XRCC4: variants seen among roughly 807,000 people sequenced by gnomAD.
The protein encoded by XRCC4 is X-ray repair cross complementing 4, also known as DNA repair protein XRCC4.
XRCC4 carries 28 observed loss-of-function variants against 39.1 expected under a neutral mutation model. The ratio of observed to expected loss-of-function variants is 0.72; its 90% CI spans 0.53 to 0.98. The LOEUF (loss-of-function observed/expected upper bound fraction) is 0.98, where lower values mean the gene tolerates loss of function less well. Among genes scored for constraint, XRCC4 ranks in the 50% least tolerant of loss-of-function variants. The probability of loss-of-function intolerance (pLI) is 0.00; values close to 1 mark genes in which losing one functional copy is unlikely to be tolerated. For synonymous variants in XRCC4, 123 were observed against 126.4 expected, an observed-to-expected ratio of 0.97 and a Z score of 0.18; for missense variants, 350 against 376.4, an observed-to-expected ratio of 0.93 and a Z score of 0.58.
downstream of XRCC4, among the ~76,000 whole-genome samples, chr5:83,358,326 A>G (rs1757213048): frequency 6.6e-6 from 1 of 151,838 alleles, no homozygotes; most frequent in South Asian, 2.1e-4. Flanking sequence ...GCTTACATTA[A>G]ACTCAGGTTC....
chr5:83,166,630 A>ATT (rs549500319), intron 3 of XRCC4, among the ~76,000 whole-genome samples: 8,439 of 135,046 alleles, frequency 0.062, 865 homozygotes, highest in East Asian at 0.47. Flanking sequence ...CGCCTAGCTA[A>ATT]TTTTTTTTTT....
At position 83,202,724 on chromosome 5, in the gene XRCC4, A is replaced by C. The variant is rs895026661; in HGVS notation, c.483-828A>C. Among the ~76,000 whole-genome samples, 13 of 152,168 alleles carry C rather than the reference A, an allele frequency of 8.5e-5. No homozygotes were observed. In the East Asian group the frequency reaches 1.2e-3, roughly 14 times the overall value. Reference sequence around the variant, plus strand: ...CAACATTGAAAAGAATACATAAAATAATTTGTATTTGAATCAATAAAATAG... The same window carrying C: ...CAACATTGAAAAGAATACATAAAATCATTTGTATTTGAATCAATAAAATAG... On this transcript the variant is annotated intron_variant, in intron 4 of 7. Transcript: ENST00000396027.
chr5:83,330,535 ACTTTT>A (rs922397586), intron 7 of XRCC4, among the ~76,000 whole-genome samples: 20 of 152,102 alleles, frequency 1.3e-4, no homozygotes, highest in East Asian at 9.7e-4. Flanking sequence ...ATGTAATAAA[ACTTTT>A]CTTTTTAAGG....
chr5:83,165,622 C>G (rs1749429873), intron 3 of XRCC4, among the ~76,000 whole-genome samples: 1 of 152,076 alleles, frequency 6.6e-6, no homozygotes, highest in African/African-American at 2.4e-5. Context: ...GATCCTCTCC[C>G]TCTCCCACCG....
chr5:83,254,487 C>T (rs531882426), intron 6 of XRCC4, among the ~76,000 whole-genome samples: 5 of 152,116 alleles, frequency 3.3e-5, no homozygotes, highest in South Asian at 2.1e-4. Flanking sequence ...ACACTTAATA[C>T]GAATTGATTT....
chr5:83,179,338 G>A (rs1008245159), intron 3 of XRCC4, among the ~76,000 whole-genome samples: 1 of 152,044 alleles, frequency 6.6e-6, no homozygotes, highest in Admixed American at 6.6e-5. Flanking sequence ...ATAAGAGCAT[G>A]TCTCTCTTTT....
intron 3 of XRCC4, among the ~76,000 whole-genome samples, chr5:83,113,962 G>A (rs1746580178): frequency 2.0e-5 from 3 of 152,178 alleles, no homozygotes; most frequent in South Asian, 4.1e-4. Context: ...TCTAGGCAGA[G>A]GTTCCCAAAC....
intron 6 of XRCC4, among the ~76,000 whole-genome samples, chr5:83,207,059 A>G (rs1751449663): frequency 6.6e-6 from 1 of 152,122 alleles, no homozygotes; most frequent in African/African-American, 2.4e-5. Context: ...TGCTTGTTTT[A>G]CCCTAGTGTC....
chr5:83,206,442 G>A (rs1038624443), intron 6 of XRCC4, among the ~76,000 whole-genome samples: 6 of 152,170 alleles, frequency 3.9e-5, no homozygotes, highest in Admixed American at 3.9e-4. Flanking sequence ...GTGGTATCCT[G>A]CTGATTGATG....
chr5:83,223,933 T>C (rs1345140818), intron 6 of XRCC4, among the ~76,000 whole-genome samples: 2 of 149,226 alleles, frequency 1.3e-5, no homozygotes, highest in Non-Finnish European at 3.0e-5. Flanking sequence ...TCCATGTCCC[T>C]ACAAAGGACA....
chr5:83,110,218 A>T (rs775919267), intron 2 of XRCC4, among the ~76,000 whole-genome samples: 1 of 151,944 alleles, frequency 6.6e-6, no homozygotes, highest in Non-Finnish European at 1.5e-5. Flanking sequence ...TAAAACAAGA[A>T]TTTTTCCACA....
intron 3 of XRCC4, among the ~76,000 whole-genome samples, chr5:83,164,825 T>C (rs1749384255): frequency 6.6e-6 from 1 of 152,264 alleles, no homozygotes; most frequent in African/African-American, 2.4e-5. Flanking sequence ...TGAATCACAC[T>C]GATTTCATTT....
chr5:83,138,662 A>G (rs892779161), intron 3 of XRCC4, among the ~76,000 whole-genome samples: 6 of 152,144 alleles, frequency 3.9e-5, no homozygotes, highest in African/African-American at 2.4e-5. Context: ...AAATTCAACA[A>G]AGGATTATCC....
intron 7 of XRCC4, among the ~76,000 whole-genome samples, chr5:83,322,446 G>T (rs1410323856): frequency 1.3e-5 from 2 of 151,960 alleles, no homozygotes; most frequent in East Asian, 3.9e-4. Flanking sequence ...ACATGAATAA[G>T]ATAACTTTCC....
chr5:83,336,124 T>A (rs1756586944), intron 7 of XRCC4, among the ~76,000 whole-genome samples: 1 of 152,080 alleles, frequency 6.6e-6, no homozygotes, highest in African/African-American at 2.4e-5. Context: ...TAGAAGGCAA[T>A]AAAAGAATAT....
chr5:83,267,323 A>T (rs1330422820), intron 7 of XRCC4, among the ~76,000 whole-genome samples: 1 of 152,122 alleles, frequency 6.6e-6, no homozygotes, highest in Non-Finnish European at 1.5e-5. Flanking sequence ...AACCCCATCC[A>T]CAGCATCCCC....
intron 3 of XRCC4, among the ~76,000 whole-genome samples, chr5:83,174,737 C>T (rs1749875987): frequency 6.6e-6 from 1 of 152,152 alleles, no homozygotes. Context: ...TACATAGTTA[C>T]CACACAACAG....
chr5:83,152,371 C>T (rs1030846561), intron 3 of XRCC4, among the ~76,000 whole-genome samples: 9 of 152,248 alleles, frequency 5.9e-5, no homozygotes, highest in Non-Finnish European at 8.8e-5. Flanking sequence ...CGGTGGCTCA[C>T]GCCTGTAATC....
rs369482171 is a variant in XRCC4 at position 83,292,133 on chromosome 5, C to G, written c.893+33456C>G. ...AGAGCAGCATCTCATAGAGTTTGTT[C>G]CTTGATATAGTGAAAATTGCCTGGC... On this transcript the variant is annotated intron_variant, in intron 7 of 7. Transcript: ENST00000396027. 2.5e-4 allele frequency among the ~76,000 whole-genome samples: 38 copies of G among 151,714 alleles called. No homozygotes were observed. The East Asian group carries it at 4.7e-3, about 19-fold the overall frequency.
Sources: allele counts gnomAD v4.1 joint callset (sites outside exome capture counted in the v4.1 genomes callset), GRCh38; gene constraint gnomAD v4.1.1; transcripts MANE v1.5; gene names NCBI Gene and HGNC (gene_info 2026-07-23, HGNC 2026-07-21).